RALGAPB: variants seen among roughly 807,000 people sequenced by gnomAD.
RALGAPB encodes ral GTPase-activating protein subunit beta.
RALGAPB carries 25 observed loss-of-function variants against 161.1 expected under a neutral mutation model. That is an observed-to-expected ratio of 0.16 (90% CI 0.11 to 0.22). RALGAPB has a LOEUF of 0.22. Among genes scored for constraint, RALGAPB ranks in the 10% least tolerant of loss-of-function variants. The pLI is 1.00. For missense variants in RALGAPB, 1,391 were observed against 1,815.2 expected, an observed-to-expected ratio of 0.77 and a Z score of 4.25; for synonymous variants, 629 against 626.1, an observed-to-expected ratio of 1.00 and a Z score of -0.07.
At chr20:38,502,005 A>G (rs1312902147) in intron 5 of RALGAPB, among the ~76,000 whole-genome samples, 2 of 152,254 alleles carry the variant, frequency 1.3e-5, no homozygotes, top group African/African-American at 2.4e-5. Context: ...ACTTATGCAT[A>G]CAAATGCTTA....
chr20:38,569,270 CA>C (rs1486455580), intron 26 of RALGAPB: 1 of 152,524 alleles, frequency 6.6e-6, no homozygotes, highest in African/African-American at 2.4e-5. Flanking sequence ...AAAAGAGGTG[CA>C]GCTCAGGGTA....
intron 7 of RALGAPB, 23 bp downstream of exon 7, chr20:38,516,393 G>A: frequency 6.3e-7 from 1 of 1,596,048 alleles, no homozygotes; most frequent in East Asian, 2.2e-5. Flanking sequence ...TATGTTGCTA[G>A]ATGTATGAAG....
intron 1 of RALGAPB, among the ~76,000 whole-genome samples, chr20:38,484,737 C>G (rs767912184): frequency 1.3e-5 from 2 of 152,114 alleles, no homozygotes; most frequent in Non-Finnish European, 2.9e-5. Flanking sequence ...CTCTTGTTGC[C>G]CAGGCTGGAG....
intron 6 of RALGAPB, among the ~76,000 whole-genome samples, chr20:38,511,576 C>T (rs1362625645): frequency 1.3e-5 from 2 of 152,080 alleles, no homozygotes; most frequent in Non-Finnish European, 2.9e-5. Context: ...TAACAAAGCA[C>T]ATCTTGCACC....
At position 38,546,272 on chromosome 20, in the gene RALGAPB, C is replaced by T. The variant is rs1340768005; in HGVS notation, c.2744C>T (p.Ser915Leu). 1.9e-6 allele frequency: 3 copies of T among 1,614,156 alleles called. No homozygotes were observed. Among genetic ancestry groups the T allele is most frequent in the Admixed American group, 1.7e-5 (1 of 60,022 alleles). ...CIMQLLGAFP[S>L]PSGPASPCSL... ...ATGCAGTTGCTCGGCGCATTTCCTTCACCTAGTGGTCCTGCCTCTCCTTGT... is the reference window on the plus strand; with the variant it reads ...ATGCAGTTGCTCGGCGCATTTCCTTTACCTAGTGGTCCTGCCTCTCCTTGT... The change falls in exon 19 of 30, where the codon TCA becomes TTA. Residue 915 changes from serine (S) to leucine (L), a missense_variant. Coordinates refer to ENST00000262879, the MANE Select transcript of RALGAPB (RefSeq NM_020336.4).
intron 22 of RALGAPB, among the ~76,000 whole-genome samples, chr20:38,555,626 C>A (rs1199948213): frequency 6.6e-6 from 1 of 152,130 alleles, no homozygotes; most frequent in Non-Finnish European, 1.5e-5. Context: ...CTATGGACTT[C>A]AGGGACACAA....
chr20:38,558,194 T>C, intron 22 of RALGAPB, 101 bp from the exon 23 acceptor site: 2 of 1,050,570 alleles, frequency 1.9e-6, no homozygotes, highest in Non-Finnish European at 2.6e-6. Flanking sequence ...TTCTATATTT[T>C]TTAATTTTAT....
intron 16 of RALGAPB, among the ~76,000 whole-genome samples, chr20:38,536,379 G>A (rs1184412526): frequency 6.6e-6 from 1 of 152,190 alleles, no homozygotes; most frequent in Admixed American, 6.5e-5. Flanking sequence ...ATCACTTGAT[G>A]GACATTTGGG....
chr20:38,547,856 C>T (rs2087224908), intron 19 of RALGAPB: 1 of 152,202 alleles, frequency 6.6e-6, no homozygotes, highest in Admixed American at 6.5e-5. Flanking sequence ...CCTCCAGCCT[C>T]CTACTCCAAG....
chr20:38,478,804 C>T (rs894700675), intron 1 of RALGAPB, among the ~76,000 whole-genome samples: 8 of 151,906 alleles, frequency 5.3e-5, no homozygotes, highest in East Asian at 1.9e-4. Flanking sequence ...TTAGTAGAGA[C>T]GGGGTTTCTA....
intron 7 of RALGAPB, 101 bp from the exon 8 acceptor site, chr20:38,517,405 C>T: frequency 8.3e-7 from 1 of 1,203,740 alleles, no homozygotes; most frequent in South Asian, 1.6e-5. Context: ...CTGCTATAGT[C>T]TATGTGTCCC....
chr20:38,499,793 G>T (rs750650415), intron 5 of RALGAPB, 160 bp downstream of exon 5: 1 of 542,972 alleles, frequency 1.8e-6, no homozygotes, highest in Non-Finnish European at 2.9e-6. Flanking sequence ...AGTTTGGCTA[G>T]TGCCTGTTTA....
chr20:38,492,284 C>T (rs929087629), intron 2 of RALGAPB, among the ~76,000 whole-genome samples: 1 of 152,206 alleles, frequency 6.6e-6, no homozygotes, highest in African/African-American at 2.4e-5. Flanking sequence ...GTCTCTTAGG[C>T]AAGTTCTCTC....
intron 9 of RALGAPB, among the ~76,000 whole-genome samples, chr20:38,518,531 G>T (rs1167069683): frequency 2.6e-5 from 4 of 152,090 alleles, no homozygotes; most frequent in Non-Finnish European, 1.5e-5. Context: ...AAATTGATTG[G>T]TGGAGAATTA....
At position 38,563,867 on chromosome 20, in the gene RALGAPB, C is replaced by T. The variant is rs77727381; in HGVS notation, c.3697+1170C>T. Among the ~76,000 whole-genome samples the T allele has an allele frequency of 9.1e-3, 1,389 of 152,226 alleles. 24 individuals are homozygous for T. The highest frequency in any genetic ancestry group is 0.032 in the African/African-American group (1,329 of 41,530). ...TTTGCTCTCCATATTTTGGCTTTGT[C>T]CCCAGCCTGGCTTCTCTAATAGTGC... On this transcript the variant is annotated intron_variant, in intron 24 of 29. Transcript: ENST00000262879.
At chr20:38,522,776 A>G (rs543560584) in intron 10 of RALGAPB, among the ~76,000 whole-genome samples, 1 of 152,312 alleles carries the variant, frequency 6.6e-6, no homozygotes, top group African/African-American at 2.4e-5. Flanking sequence ...AACCCTCTCA[A>G]TCTGACTTAA....
chr20:38,537,876 T>C (rs578181593), intron 16 of RALGAPB: 2 of 152,372 alleles, frequency 1.3e-5, no homozygotes, highest in Admixed American at 6.5e-5. Flanking sequence ...GTCCAAGTTA[T>C]GCCAACCAGG....
Position 38,541,026 on chromosome 20 carries a change from C to T in RALGAPB, c.2563-15C>T. ...AGGTGTGTTCTAAAAATTGATCTGC[C>T]TTTCCTGCTTTTAGGACTGCCTTAA... is the stretch of plus-strand genomic sequence containing the variant. On this transcript the variant is annotated splice_polypyrimidine_tract_variant and intron_variant, in intron 17 of 29. Transcript: ENST00000262879. 6.2e-7 allele frequency: 1 copy of T among 1,611,728 alleles called. No individual in the cohort carries two copies. Among genetic ancestry groups the T allele is most frequent in the Non-Finnish European group, 8.5e-7 (1 of 1,178,532 alleles).
chr20:38,490,982 C>T (rs902805747), intron 2 of RALGAPB, among the ~76,000 whole-genome samples: 2 of 152,198 alleles, frequency 1.3e-5, no homozygotes, highest in African/African-American at 4.8e-5. Context: ...GAAGATGCCA[C>T]CAAAGATATC....
Sources: gnomAD v4.1 joint callset for allele counts (sites outside exome capture counted in the v4.1 genomes callset) on GRCh38, gnomAD v4.1.1 for gene constraint, MANE v1.5 for transcripts, NCBI Gene and HGNC (gene_info 2026-07-23, HGNC 2026-07-21) for gene names.